DHX37: variants seen among roughly 807,000 people sequenced by gnomAD.
DHX37 encodes the protein probable ATP-dependent RNA helicase DHX37.
DHX37 carries 52 observed loss-of-function variants against 134.3 expected under a neutral mutation model. The observed-to-expected ratio is 0.39, with a 90% confidence interval of 0.31 to 0.49. The LOEUF (loss-of-function observed/expected upper bound fraction) is 0.49, where lower values mean the gene tolerates loss of function less well. Ranked by LOEUF, DHX37 falls within the 20% of genes least tolerant of loss-of-function variation. The pLI is 0.93. For synonymous variants in DHX37, 634 were observed against 670.7 expected (o/e 0.95, Z 0.85); for missense variants, 1,344 against 1,580.8 (o/e 0.85, Z 2.54).
intron 5 of DHX37, among the ~76,000 whole-genome samples, chr12:124,976,658 T>C (rs955479628): frequency 1.3e-5 from 2 of 151,764 alleles, no homozygotes; most frequent in African/African-American, 4.8e-5. Context: ...TGAAACCCCG[T>C]CTCTACTAAA....
At chr12:124,970,703 A>C (rs1471033064) in intron 8 of DHX37, among the ~76,000 whole-genome samples, 1 of 152,186 alleles carries the variant, frequency 6.6e-6, no homozygotes, top group East Asian at 1.9e-4. Context: ...GAACTGTTAG[A>C]ACAAGACAGC....
chr12:124,966,421 TG>T (rs1053363628), intron 12 of DHX37, among the ~76,000 whole-genome samples: 2 of 152,174 alleles, frequency 1.3e-5, no homozygotes, highest in African/African-American at 4.8e-5. Flanking sequence ...TAGAGTGCAG[TG>T]GGACCATCAC....
chr12:124,962,372 T>G (rs1480829234), intron 15 of DHX37, among the ~76,000 whole-genome samples: 2 of 151,812 alleles, frequency 1.3e-5, no homozygotes, highest in South Asian at 4.2e-4. Flanking sequence ...AATCTAAGAA[T>G]TGGCCGGGCG....
intron 23 of DHX37, 51 bp from the exon 24 acceptor site, chr12:124,950,294 G>A (rs761025721): frequency 4.8e-5 from 77 of 1,608,790 alleles, no homozygotes; most frequent in East Asian, 2.2e-4. Context: ...CTGCCCTCCC[G>A]AGTCCCATCC....
intron 16 of DHX37, among the ~76,000 whole-genome samples, chr12:124,958,587 G>A (rs939824646): frequency 2.6e-5 from 4 of 152,126 alleles, no homozygotes; most frequent in African/African-American, 7.2e-5. Flanking sequence ...GAGGTCACAC[G>A]TGCTGAACGC....
chr12:124,960,550 C>G (rs4765008), intron 15 of DHX37, 127 bp from the exon 16 acceptor site: 430,523 of 1,447,494 alleles, frequency 0.3, 68,650 homozygotes, highest in East Asian at 0.63. Flanking sequence ...ACTGGATCTT[C>G]ACCTGACAGC....
rs770779242 is a variant in DHX37 at position 124,964,998 on chromosome 12, G to A, written c.1744C>T (p.Pro582Ser). 2 of 1,595,086 alleles carry A rather than the reference G, an allele frequency of 1.3e-6. No homozygotes were observed. Among genetic ancestry groups the A allele is most frequent in the South Asian group, 2.3e-5 (2 of 87,164 alleles). Residue 582 changes from proline (P) to serine (S), a missense_variant, in exon 14 of 27, where the codon CCG becomes TCG. Physicochemically the swap from Pro to Ser is moderately conservative, Grantham distance 74. This residue lies in a region of DHX37 where 289 missense variants were observed against 323.8 expected (regional missense o/e 0.89). Transcript: ENST00000308736. ...GDGGQDGGEQ[P>S]DASLPLHVLP... ...ACGTGGAGCGGGAGGGAGGCATCCG[G>A]CTGCTCACCTGGAGGGAAAGCAGAG...
chr12:124,961,184 GCACGCA>G (rs1291247771), intron 15 of DHX37, among the ~76,000 whole-genome samples: 19 of 84,924 alleles, frequency 2.2e-4, no homozygotes, highest in Admixed American at 6.8e-4. Context: ...GCGCATGCGC[GCACGCA>G]CACACACACA....
At position 124,977,464 on chromosome 12, in the gene DHX37, G is replaced by A; in HGVS notation, c.765C>T (p.Leu255=). The change falls in exon 5 of 27, where the codon CTC becomes CTT. Residue 255 remains leucine (L), a synonymous_variant. Coordinates refer to ENST00000308736, the MANE Select transcript of DHX37 (RefSeq NM_032656.4). The part of the protein sequence containing the change: ...MQEERLKLPI[L]SEEQVIMEAV... Reference sequence around the variant, plus strand: ...CCTCCATGATTACTTGTTCTTCGGAGAGAATTGGGAGCTTCAGCCGTTCCT... The same window carrying A: ...CCTCCATGATTACTTGTTCTTCGGAAAGAATTGGGAGCTTCAGCCGTTCCT... The A allele has an allele frequency of 1.2e-6, 2 of 1,608,424 alleles. No homozygotes were observed. The highest frequency in any genetic ancestry group is 1.7e-6 in the Non-Finnish European group (2 of 1,177,908).
At position 124,949,620 on chromosome 12, in the gene DHX37, C is replaced by A. The variant is rs1198313562; in HGVS notation, c.3290+366G>T. Among the ~76,000 whole-genome samples the A allele has an allele frequency of 6.6e-6, 1 of 152,166 alleles. No individual in the cohort carries two copies. The highest frequency in any genetic ancestry group is 1.5e-5 in the Non-Finnish European group (1 of 68,030). Reference sequence around the variant, plus strand: ...GTGACCTTATATGGAAAGAGGGTCACTGCAAATGTCATGAGTTAAGGAGAG... The same window carrying A: ...GTGACCTTATATGGAAAGAGGGTCAATGCAAATGTCATGAGTTAAGGAGAG... On this transcript the variant is annotated intron_variant, in intron 25 of 26. Transcript: ENST00000308736. The surrounding 1 kb of genome is among the most constrained non-coding windows in gnomAD (Gnocchi z 4.0).
At chr12:124,967,359 C>T in intron 10 of DHX37, 141 bp from the exon 11 acceptor site, 2 of 876,994 alleles carry the variant, frequency 2.3e-6, no homozygotes, top group Admixed American at 2.6e-5. Context: ...CATAGATGAG[C>T]AGGGGGCAGC....
At position 124,975,976 on chromosome 12, in the gene DHX37, G is replaced by C. The variant is rs1434699275; in HGVS notation, c.888-465C>G. Among the ~76,000 whole-genome samples the C allele has an allele frequency of 4.6e-5, 7 of 152,232 alleles. No individual in the cohort carries two copies. In the East Asian group the frequency reaches 1.2e-3, roughly 25 times the overall value. On this transcript the variant is annotated intron_variant, in intron 5 of 26. Coordinates refer to ENST00000308736, the MANE Select transcript of DHX37 (RefSeq NM_032656.4). The stretch of plus-strand genomic sequence containing the variant: ...CTCCTTCCATTCCCTGTAAGTGCGG[G>C]GCCCACTGTGCCCAGCCTGTTTGTG...
Position 124,980,705 on chromosome 12 carries a change from C to T in DHX37, c.523G>A (p.Glu175Lys). 2.5e-6 allele frequency: 4 copies of T among 1,569,916 alleles called. No individual in the cohort carries two copies. Among genetic ancestry groups the T allele is most frequent in the Non-Finnish European group, 3.5e-6 (4 of 1,159,104 alleles). ...EEEESESELE[E>K]ESELDEDPAA... ...GGGTCCTCGTCCAGCTCCGACTCCT[C>T]CTCCAGCTCCGATTCCGACTCCTCC... Residue 175 changes from glutamate to lysine, a missense_variant, in exon 4 of 27, where the codon GAG becomes AAG. Glu to Lys is a moderately conservative substitution (Grantham distance 56, BLOSUM62 1). This residue lies in a region of DHX37 where 319 missense variants were observed against 296.1 expected (regional missense o/e 1.08). Transcript: ENST00000308736. This position sits in a 1 kb window ranked among gnomAD's most constrained non-coding sequence, Gnocchi z 5.3.
chr12:124,951,509 G>T (rs961796519), intron 21 of DHX37, among the ~76,000 whole-genome samples: 1 of 152,144 alleles, frequency 6.6e-6, no homozygotes, highest in East Asian at 1.9e-4. Context: ...TCTTTGTTGG[G>T]TAATAAAAAT....
rs944461148 is a variant in DHX37, at chr12:124,950,421, C to T, written c.3113G>A (p.Ser1038Asn). ...ACACTGCCCCAACTCACAGAACACG[C>T]TGGCCCGGTGACACAGCACCCGCCC... ...ERGRVLCHRA[S>N]VFYRVGWPLP... is the part of the protein sequence containing the mutation. The change falls in exon 23 of 27, where the codon AGC (serine) becomes AAC (asparagine). Residue 1038 changes from serine to asparagine, a missense_variant. By Grantham distance (46) the Ser-to-Asn change is conservative (BLOSUM62 1). This residue lies in a region of DHX37 where 558 missense variants were observed against 650.0 expected (regional missense o/e 0.86). Transcript: ENST00000308736. 3.8e-6 allele frequency: 6 copies of T among 1,599,530 alleles called. No homozygotes were observed. Among genetic ancestry groups the T allele is most frequent in the Non-Finnish European group, 4.3e-6 (5 of 1,173,046 alleles).
chr12:124,966,592 G>C (rs937956311), intron 12 of DHX37, among the ~76,000 whole-genome samples: 1 of 152,178 alleles, frequency 6.6e-6, no homozygotes, highest in Admixed American at 6.5e-5. Flanking sequence ...TCAAACTCTA[G>C]GCCTCAAGCG....
chr12:124,953,428 T>C (rs4765004), intron 20 of DHX37: 98,631 of 171,766 alleles, frequency 0.57, 29,383 homozygotes, highest in East Asian at 0.83. Flanking sequence ...CATCGTCCTC[T>C]TGCCATATGT....
chr12:124,953,793 G>T (rs1489211448), intron 20 of DHX37, 87 bp downstream of exon 20: 19 of 1,535,380 alleles, frequency 1.2e-5, no homozygotes, highest in Non-Finnish European at 1.4e-5. Flanking sequence ...TGCAAACGTG[G>T]ACTCTATGGA....
intron 6 of DHX37, among the ~76,000 whole-genome samples, chr12:124,974,493 C>T (rs1229575499): frequency 1.3e-5 from 1 of 79,802 alleles, no homozygotes; most frequent in Non-Finnish European, 2.4e-5. Flanking sequence ...AACTGGCATG[C>T]TGACCCGGGG....
Sources: gnomAD v4.1 joint callset for allele counts (sites outside exome capture counted in the v4.1 genomes callset) on GRCh38, gnomAD v4.1.1 for gene constraint, gnomAD v4.1.1 regional missense constraint, Gnocchi (gnomAD v3.1) non-coding constraint, MANE v1.5 for transcripts, NCBI Gene and HGNC (gene_info 2026-07-23, HGNC 2026-07-21) for gene names.